Variants in PLXNA4 observed in about 807,000 individuals in gnomAD.
The protein encoded by PLXNA4 is plexin-A4.
PLXNA4 carries 44 observed loss-of-function variants against 191.8 expected under a neutral mutation model. The ratio of observed to expected loss-of-function variants is 0.23; its 90% CI spans 0.18 to 0.29. The LOEUF (loss-of-function observed/expected upper bound fraction) is 0.29. Ranked by LOEUF, PLXNA4 falls within the 10% of genes least tolerant of loss-of-function variation. The pLI is 1.00. For synonymous variants in PLXNA4, 1,082 were observed against 1,009.5 expected (o/e 1.07, Z -1.36); for missense variants, 1,800 against 2,488.8 (o/e 0.72, Z 5.89).
chr7:132,625,185 C>T (rs1393512030), intron 2 of PLXNA4, among the ~76,000 whole-genome samples: 1 of 152,222 alleles, frequency 6.6e-6, no homozygotes, highest in Non-Finnish European at 1.5e-5. Flanking sequence ...AGACCGATGA[C>T]TTCAGCCCAA....
intron 1 of PLXNA4, among the ~76,000 whole-genome samples, chr7:132,572,815 GACAGTGTCCTGTCC>G (rs1328670596): frequency 1.2e-4 from 19 of 152,176 alleles, no homozygotes; most frequent in African/African-American, 4.6e-4. Flanking sequence ...CTTTTAAAGA[GACAGTGTCCTGTCC>G]ACAGGGCCCT....
At chr7:132,135,206 G>A (rs74671252) in intron 30 of PLXNA4, among the ~76,000 whole-genome samples, 1,634 of 152,252 alleles carry the variant, frequency 0.011, 31 homozygotes, top group African/African-American at 0.038. Context: ...TAAAAAGTGT[G>A]AACAAATAAC....
At chr7:132,163,248 G>C (rs372480801) in intron 24 of PLXNA4, among the ~76,000 whole-genome samples, 1 of 152,212 alleles carries the variant, frequency 6.6e-6, no homozygotes, top group African/African-American at 2.4e-5. Flanking sequence ...AGTGAGCAGC[G>C]AGTGGACGCA....
chr7:132,299,352 A>T (rs2116509328), intron 3 of PLXNA4, among the ~76,000 whole-genome samples: 1 of 152,314 alleles, frequency 6.6e-6, no homozygotes, highest in East Asian at 1.9e-4. Context: ...ACCTCTCACA[A>T]GATCAAGGAG....
intron 30 of PLXNA4, among the ~76,000 whole-genome samples, chr7:132,139,557 A>G (rs1442506385): frequency 6.6e-6 from 1 of 152,222 alleles, no homozygotes; most frequent in Non-Finnish European, 1.5e-5. Context: ...GTACTTGGAC[A>G]AGAGGATGAG....
intron 3 of PLXNA4, among the ~76,000 whole-genome samples, chr7:132,302,117 GGA>G (rs1801330698): frequency 6.6e-6 from 1 of 152,314 alleles, no homozygotes; most frequent in South Asian, 2.1e-4. Flanking sequence ...GTTTGGCCAT[GGA>G]GAGAGAGAAT....
intron 3 of PLXNA4, among the ~76,000 whole-genome samples, chr7:132,466,594 G>A (rs935979541): frequency 4.6e-5 from 7 of 152,184 alleles, no homozygotes; most frequent in Admixed American, 4.6e-4. Context: ...AGCCCCATTG[G>A]GTCCAGCCCT....
chr7:132,337,509 C>T (rs1400983946), intron 3 of PLXNA4, among the ~76,000 whole-genome samples: 1 of 152,322 alleles, frequency 6.6e-6, no homozygotes, highest in Non-Finnish European at 1.5e-5. Context: ...TATTGTCTTT[C>T]GTATAAATGC....
intron 1 of PLXNA4, among the ~76,000 whole-genome samples, chr7:132,561,728 T>TTCCTCCTCCTCCTCCTCCTCCTCC (rs370457856): frequency 1.7e-5 from 1 of 59,200 alleles, no homozygotes. Flanking sequence ...TCTCCTCCTC[T>TTCCTCCTCCTCCTCCTCCTCCTCC]TCCTCCTCCT....
intron 3 of PLXNA4, among the ~76,000 whole-genome samples, chr7:132,343,000 A>G (rs1165917512): frequency 6.6e-6 from 1 of 151,770 alleles, no homozygotes; most frequent in African/African-American, 2.4e-5. Context: ...TACACAAGGG[A>G]TGGGGGATAC....
At chr7:132,154,204 A>G (rs571103260) in intron 25 of PLXNA4, among the ~76,000 whole-genome samples, 2 of 152,216 alleles carry the variant, frequency 1.3e-5, no homozygotes, top group African/African-American at 2.4e-5. Flanking sequence ...GGGAGACAAG[A>G]TTCTATGGCT....
intron 2 of PLXNA4, among the ~76,000 whole-genome samples, chr7:132,494,170 G>C (rs1797912530): frequency 1.3e-5 from 2 of 152,142 alleles, no homozygotes; most frequent in Non-Finnish European, 2.9e-5. Flanking sequence ...AATTAAAGGG[G>C]CTAATGTTGT....
At chr7:132,376,279 A>G (rs1439329015) in intron 3 of PLXNA4, among the ~76,000 whole-genome samples, 1 of 152,080 alleles carries the variant, frequency 6.6e-6, no homozygotes, top group Admixed American at 6.5e-5. Context: ...GAAAGCCTCT[A>G]TTGCTCCGCA....
intron 9 of PLXNA4, among the ~76,000 whole-genome samples, chr7:132,215,893 C>A (rs553246311): frequency 2.0e-5 from 3 of 152,152 alleles, no homozygotes; most frequent in African/African-American, 7.2e-5. Flanking sequence ...TTTGCAACAC[C>A]CTTTTAAAGA....
At chr7:132,517,682 C>A (rs1798995493) in intron 1 of PLXNA4, among the ~76,000 whole-genome samples, 1 of 152,110 alleles carries the variant, frequency 6.6e-6, no homozygotes, top group South Asian at 2.1e-4. Flanking sequence ...GTTTCCAAAG[C>A]CAGATTGCAA....
chr7:132,212,658 AAG>A (rs1797840791), intron 9 of PLXNA4, among the ~76,000 whole-genome samples: 1 of 152,194 alleles, frequency 6.6e-6, no homozygotes, highest in Admixed American at 6.5e-5. Flanking sequence ...AGAGGAGGGA[AAG>A]AGAGGCAGGG....
In PLXNA4 at chr7:132,597,612, T is replaced by A. The variant is rs185809632; in HGVS notation, c.-87+48316A>T. 2.1e-3 allele frequency among the ~76,000 whole-genome samples: 324 copies of A among 151,170 alleles called. 1 individual carries two copies. Among genetic ancestry groups the A allele is most frequent in the Middle Eastern group, 3.4e-3 (1 of 294 alleles). ...TCATTCATTCATTCATTCATTCATG[T>A]ATTTATTTATTCCCTTTATTTCCCT... is the stretch of plus-strand genomic sequence containing the variant. On this transcript the variant is annotated intron_variant, in intron 2 of 4. Transcript: ENST00000378539.
In PLXNA4 at chr7:132,599,683, C is replaced by T. The variant is rs143358492; in HGVS notation, c.-87+46245G>A. 5.1e-3 allele frequency among the ~76,000 whole-genome samples: 776 copies of T among 151,876 alleles called. 11 individuals are homozygous for T. Among genetic ancestry groups the T allele is most frequent in the African/African-American group, 0.017 (714 of 41,488 alleles). On this transcript the variant is annotated intron_variant, in intron 2 of 4. Coordinates refer to the PLXNA4 transcript ENST00000378539. ...CCTTTCCAGCATTTAGACTTCTCCCCCTTTTTTTTTTCTTTTTTTATAGTC... is the reference window on the plus strand; with the variant it reads ...CCTTTCCAGCATTTAGACTTCTCCCTCTTTTTTTTTTCTTTTTTTATAGTC...
chr7:132,204,365 C>T (rs931659472), intron 10 of PLXNA4, among the ~76,000 whole-genome samples: 1 of 152,182 alleles, frequency 6.6e-6, no homozygotes, highest in Non-Finnish European at 1.5e-5. Context: ...CCCTGGGCAG[C>T]AATTTCCAAC....
Sources: gnomAD v4.1 joint callset for allele counts (sites outside exome capture counted in the v4.1 genomes callset) on GRCh38, gnomAD v4.1.1 for gene constraint, MANE v1.5 for transcripts, NCBI Gene and HGNC (gene_info 2026-07-23, HGNC 2026-07-21) for gene names.